The following REV1 variants were observed in gnomAD, a reference collection of about 807,000 sequenced individuals.
The protein encoded by REV1 is translesion synthesis protein REV1.
In REV1, 42 loss-of-function variants were observed where a neutral mutation model predicts 137.4. The observed-to-expected ratio is 0.31, with a 90% confidence interval of 0.24 to 0.40. The LOEUF is 0.40. Ranked by LOEUF, REV1 falls within the 10% of genes least tolerant of loss-of-function variation. The pLI is 1.00. For missense variants in REV1, 1,282 were observed against 1,490.1 expected (o/e 0.86, Z 2.30); for synonymous variants, 524 against 519.2 (o/e 1.01, Z -0.12).
At chr2:99,401,432 A>T in intron 22 of REV1, 80 bp from the exon 23 acceptor site, 2 of 944,790 alleles carry the variant, frequency 2.1e-6, no homozygotes, top group Non-Finnish European at 3.1e-6. Flanking sequence ...ATATATAAAA[A>T]TTGACTTTGG....
At chr2:99,487,314 C>G (rs577262791) in intron 1 of REV1, among the ~76,000 whole-genome samples, 4 of 51,004 alleles carry the variant, frequency 7.8e-5, no homozygotes, top group African/African-American at 2.6e-4. Context: ...TTAGAGGACA[C>G]TAAGCAAGAA....
At chr2:99,406,296 A>G (rs1468281185) in intron 16 of REV1, 29 bp downstream of exon 16, 1 of 1,578,696 alleles carries the variant, frequency 6.3e-7, no homozygotes, top group South Asian at 1.2e-5. Context: ...AGCAGCACCT[A>G]AAAAAGAACC....
At position 99,402,650 on chromosome 2, in the gene REV1, T is replaced by C. The variant is rs142314116; in HGVS notation, c.3535A>G (p.Ile1179Val). 1.2e-5 allele frequency: 20 copies of C among 1,613,408 alleles called. No homozygotes were observed. Among genetic ancestry groups the C allele is most frequent in the Non-Finnish European group, 1.7e-5 (20 of 1,179,676 alleles). ...KTLLREWITTISDPMEEDILQ... is the reference protein window; with the variant it reads ...KTLLREWITTVSDPMEEDILQ... Reference sequence around the variant, plus strand: ...TAACACAGGCCAAGCCAACCTGAAATTGTAGTTATCCATTCTCTGAGCAAG... The same window carrying C: ...TAACACAGGCCAAGCCAACCTGAAACTGTAGTTATCCATTCTCTGAGCAAG... Residue 1179 changes from isoleucine (I) to valine (V), a missense_variant, in exon 21 of 23, where the codon ATT becomes GTT. Around this residue, in one of 7 missense-constraint regions of REV1, gnomAD observed 170 missense variants for 156.8 expected, o/e 1.08. Coordinates refer to ENST00000258428, the MANE Select transcript of REV1 (RefSeq NM_016316.4).
chr2:99,404,703 G>T, intron 17 of REV1, 26 bp from the exon 18 acceptor site: 3 of 1,510,750 alleles, frequency 2.0e-6, no homozygotes, highest in Non-Finnish European at 2.7e-6. Flanking sequence ...CATATGAGTA[G>T]GAAGTTAAAG....
intron 12 of REV1, 130 bp downstream of exon 12, chr2:99,418,698 G>T (rs570602444): frequency 1.9e-4 from 133 of 698,382 alleles, no homozygotes; most frequent in Admixed American, 4.0e-4. Context: ...GTTTTTCATG[G>T]CACTCAATAA....
At chr2:99,414,561 T>C (rs1011680868) in intron 12 of REV1, among the ~76,000 whole-genome samples, 3 of 152,234 alleles carry the variant, frequency 2.0e-5, no homozygotes, top group East Asian at 1.9e-4. Context: ...CACAAGGGAA[T>C]AGACAAATTA....
chr2:99,462,567 G>A lies in REV1; in HGVS notation c.110C>T (p.Ala37Val). 1 of 1,613,368 alleles carries A rather than the reference G, an allele frequency of 6.2e-7. No individual in the cohort carries two copies. Among genetic ancestry groups the A allele is most frequent in the Non-Finnish European group, 8.5e-7 (1 of 1,179,694 alleles). Residue 37 changes from alanine to valine, a missense_variant, in exon 3 of 23, where the codon GCT becomes GTT. Coordinates refer to ENST00000258428, the MANE Select transcript of REV1 (RefSeq NM_016316.4). The part of the protein sequence containing the change: ...QKLEEQFRSD[A>V]AMQKDGTSST... ...TGAAGTCCCATCCTTCTGCATAGCA[G>A]CATCTGATCGAAACTGTTCCTCCAA...
At chr2:99,401,557 G>T (rs1366545953) in intron 22 of REV1, among the ~76,000 whole-genome samples, 1 of 151,976 alleles carries the variant, frequency 6.6e-6, no homozygotes, top group South Asian at 2.1e-4. Context: ...GACCAGCCTG[G>T]CCAACATGGT....
intron 8 of REV1, among the ~76,000 whole-genome samples, chr2:99,433,523 G>A (rs1287570226): frequency 6.6e-6 from 1 of 152,128 alleles, no homozygotes; most frequent in East Asian, 1.9e-4. Flanking sequence ...AATTTCATTG[G>A]AGTCATTGTG....
At position 99,434,323 on chromosome 2, in the gene REV1, C is replaced by T. The variant is rs1680466481; in HGVS notation, c.1438+9G>A. Reference sequence around the variant, plus strand: ...GAGCACTAAGACTTCAAAGAGAGCTCATTTGTACCTGCTTTGCCTTTCAGG... The same window carrying T: ...GAGCACTAAGACTTCAAAGAGAGCTTATTTGTACCTGCTTTGCCTTTCAGG... On this transcript the variant is annotated intron_variant, in intron 8 of 22. Transcript: ENST00000258428. 1.3e-6 allele frequency: 2 copies of T among 1,574,986 alleles called. No individual in the cohort carries two copies. Among genetic ancestry groups the T allele is most frequent in the African/African-American group, 2.7e-5 (2 of 73,192 alleles).
intron 4 of REV1, 73 bp downstream of exon 4, chr2:99,449,263 T>A (rs1682633046): frequency 2.1e-6 from 2 of 970,440 alleles, no homozygotes; most frequent in East Asian, 7.5e-5. Flanking sequence ...AGACCCTATC[T>A]CAAAAAAATA....
At chr2:99,473,685 A>T (rs1471276403) in intron 1 of REV1, among the ~76,000 whole-genome samples, 3 of 152,138 alleles carry the variant, frequency 2.0e-5, no homozygotes, top group Admixed American at 6.5e-5. Flanking sequence ...CCTGTTGCTA[A>T]TTTTTTCTGC....
chr2:99,452,443 G>GA (rs958533225), intron 3 of REV1, among the ~76,000 whole-genome samples: 3 of 141,886 alleles, frequency 2.1e-5, no homozygotes, highest in Non-Finnish European at 3.1e-5. Flanking sequence ...AAAAGGAAAA[G>GA]AAAAAAAAAG....
chr2:99,466,984 C>A (rs904476661), intron 1 of REV1, among the ~76,000 whole-genome samples: 7 of 152,164 alleles, frequency 4.6e-5, no homozygotes, highest in Non-Finnish European at 8.8e-5. Context: ...TAAACTGAAT[C>A]CATACACCTG....
Position 99,473,638 on chromosome 2 carries a change from GTGTT to G in REV1, c.-10-8657_-10-8654del, listed in dbSNP as rs565135602. ...ATAAAACCCATTTTTGCCACTTTAT[GTGTT>G]TTTTTTACACCTTCAGCATACTGAA... On this transcript the variant is annotated intron_variant, in intron 1 of 22. Transcript: ENST00000258428. Among the ~76,000 whole-genome samples the G allele has an allele frequency of 2.0e-3, 307 of 152,214 alleles. 1 individual carries two copies. Among genetic ancestry groups the G allele is most frequent in the African/African-American group, 7.2e-3 (298 of 41,544 alleles).
rs869170472 is a variant in REV1 at position 99,407,080 on chromosome 2, C to CTTTTTTTTTTTTTTTTTTTTTTT, written c.2449-613_2449-591dup. Among the ~76,000 whole-genome samples the CTTTTTTTTTTTTTTTTTTTTTTT allele has an allele frequency of 2.3e-4, 14 of 60,046 alleles. 4 individuals are homozygous for CTTTTTTTTTTTTTTTTTTTTTTT. The highest frequency in any genetic ancestry group is 3.2e-4 in the Non-Finnish European group (11 of 34,158). 39.4% of individuals were successfully genotyped at this position (60,046 alleles called of 152,430 possible). Reference sequence around the variant, plus strand: ...ACATAAAACTAAACCTACAAAGGTTCTTTTTTTTTTTTTTTTTTTTTTTTT... The same window carrying CTTTTTTTTTTTTTTTTTTTTTTT: ...ACATAAAACTAAACCTACAAAGGTTCTTTTTTTTTTTTTTTTTTTTTTTTTTTTTTTTTTTTTTTTTTTTTTTT... On this transcript the variant is annotated intron_variant, in intron 15 of 22. Coordinates refer to ENST00000258428, the MANE Select transcript of REV1 (RefSeq NM_016316.4).
chr2:99,469,441 T>A (rs1223708261), intron 1 of REV1, among the ~76,000 whole-genome samples: 1 of 152,158 alleles, frequency 6.6e-6, no homozygotes, highest in Non-Finnish European at 1.5e-5. Context: ...AAAACTCAAG[T>A]AATCAAATTA....
intron 1 of REV1, among the ~76,000 whole-genome samples, chr2:99,473,632 C>G (rs1685656974): frequency 6.6e-6 from 1 of 152,120 alleles, no homozygotes; most frequent in Non-Finnish European, 1.5e-5. Flanking sequence ...ATTTTTGCCA[C>G]TTTATGTGTT....
intron 5 of REV1, among the ~76,000 whole-genome samples, chr2:99,439,866 T>C (rs1389666729): frequency 6.6e-6 from 1 of 152,228 alleles, no homozygotes; most frequent in Non-Finnish European, 1.5e-5. Context: ...TGAAAGGTAC[T>C]ATTCAACACA....
Sources: gnomAD v4.1 joint callset for allele counts (sites outside exome capture counted in the v4.1 genomes callset) on GRCh38, gnomAD v4.1.1 for gene constraint, gnomAD v4.1.1 regional missense constraint, MANE v1.5 for transcripts, NCBI Gene and HGNC (gene_info 2026-07-23, HGNC 2026-07-21) for gene names.